Variants in F13A1 observed in about 807,000 individuals in gnomAD.
F13A1 encodes coagulation factor XIII A chain.
In F13A1, 47 loss-of-function variants were observed where a neutral mutation model predicts 80.1. The ratio of observed to expected loss-of-function variants is 0.59; its 90% CI spans 0.46 to 0.75. F13A1 has a LOEUF of 0.75. F13A1 is among the 30% of genes least tolerant of loss of function. The pLI is 0.00. For missense variants in F13A1, 817 were observed against 930.4 expected (o/e 0.88, Z 1.59); for synonymous variants, 349 against 344.9 (o/e 1.01, Z -0.13).
chr6:6,190,817 C>G (rs1441312224), intron 10 of F13A1, among the ~76,000 whole-genome samples: 12 of 150,800 alleles, frequency 8.0e-5, no homozygotes, highest in Admixed American at 7.3e-4. Flanking sequence ...GCGCCCCTCC[C>G]CCAGCCTCGC....
chr6:6,260,204 G>T (rs1008230414), intron 4 of F13A1, among the ~76,000 whole-genome samples: 2 of 152,132 alleles, frequency 1.3e-5, no homozygotes, highest in African/African-American at 4.8e-5. Flanking sequence ...TCACTGATGT[G>T]GCATTGCTAT....
intron 3 of F13A1, among the ~76,000 whole-genome samples, chr6:6,270,618 G>A (rs147940733): frequency 7.6e-4 from 115 of 152,314 alleles, no homozygotes; most frequent in African/African-American, 2.5e-3. Flanking sequence ...TGGTGAGGGC[G>A]TCATGTGTGC....
intron 1 of F13A1, among the ~76,000 whole-genome samples, chr6:6,319,560 C>T (rs1208804771): frequency 6.6e-6 from 1 of 152,168 alleles, no homozygotes; most frequent in East Asian, 1.9e-4. Context: ...ACCAAATGAC[C>T]AAATGAAGGG....
intron 8 of F13A1, among the ~76,000 whole-genome samples, chr6:6,209,145 A>G (rs1761551171): frequency 2.0e-5 from 3 of 152,124 alleles, no homozygotes; most frequent in Middle Eastern, 3.2e-3. Flanking sequence ...CAACAATACA[A>G]AAGTAGGTCA....
Position 6,305,381 on chromosome 6 carries a change from T to G in F13A1, c.289A>C (p.Arg97=). The G allele has an allele frequency of 6.2e-7, 1 of 1,614,212 alleles. No individual in the cohort carries two copies. The highest frequency in any genetic ancestry group is 8.5e-7 in the Non-Finnish European group (1 of 1,180,040). ...IDFSRPYDPR[R]DLFRVEYVIG... is the part of the protein sequence containing the mutation. ...ACGTATTCCACCCTGAAGAGATCCC[T>G]TCTGGGGTCATATGGACGACTGAAG... is the stretch of plus-strand genomic sequence containing the variant. The change falls in exon 3 of 15, where the codon AGG becomes CGG. Residue 97 remains arginine (R), a synonymous_variant. Transcript: ENST00000264870.
At chr6:6,235,257 T>C (rs149672607) in intron 6 of F13A1, among the ~76,000 whole-genome samples, 2 of 152,094 alleles carry the variant, frequency 1.3e-5, no homozygotes, top group African/African-American at 4.8e-5. Flanking sequence ...ATGAAAAGCA[T>C]GATCCATAAA....
At position 6,243,360 on chromosome 6, in the gene F13A1, C is replaced by T. The variant is rs937029746; in HGVS notation, c.798+4952G>A. Reference sequence around the variant, plus strand: ...ACCACCATCATCACTAACTCTATCACCACCACCACCAAACACCACCACCAT... The same window carrying T: ...ACCACCATCATCACTAACTCTATCATCACCACCACCAAACACCACCACCAT... On this transcript the variant is annotated intron_variant, in intron 6 of 14. Transcript: ENST00000264870. This position sits in a 1 kb window ranked among gnomAD's most constrained non-coding sequence, Gnocchi z 4.2. Among the ~76,000 whole-genome samples the T allele has an allele frequency of 7.2e-5, 11 of 151,790 alleles. No homozygotes were observed. The highest frequency in any genetic ancestry group is 1.3e-4 in the Non-Finnish European group (9 of 67,926).
intron 13 of F13A1, among the ~76,000 whole-genome samples, chr6:6,152,865 T>C (rs1472027895): frequency 6.6e-6 from 1 of 152,204 alleles, no homozygotes; most frequent in African/African-American, 2.4e-5. Flanking sequence ...GTATACCAAA[T>C]GAATGGATCT....
intron 3 of F13A1, among the ~76,000 whole-genome samples, chr6:6,280,013 A>T (rs1251605911): frequency 6.6e-6 from 1 of 152,240 alleles, no homozygotes; most frequent in East Asian, 1.9e-4. Flanking sequence ...ATATAAAAGC[A>T]AGTGTTAAAT....
chr6:6,219,043 G>C (rs1757148509), intron 8 of F13A1, among the ~76,000 whole-genome samples: 1 of 152,110 alleles, frequency 6.6e-6, no homozygotes, highest in South Asian at 2.1e-4. Flanking sequence ...AGAAGAAATA[G>C]ATGGTGGAGG....
intron 11 of F13A1, among the ~76,000 whole-genome samples, chr6:6,177,691 G>GCTAGGCA (rs1583057134): frequency 1.3e-5 from 2 of 152,212 alleles, no homozygotes; most frequent in Non-Finnish European, 2.9e-5. Flanking sequence ...CAAACACCGT[G>GCTAGGCA]CTAGGCACTA....
chr6:6,320,476 C>G (rs1758759979), intron 1 of F13A1, 111 bp downstream of exon 1: 1 of 331,468 alleles, frequency 3.0e-6, no homozygotes, highest in African/African-American at 2.2e-5. Flanking sequence ...CTGCCTGTGA[C>G]CGGCGCCACA....
intron 10 of F13A1, among the ~76,000 whole-genome samples, chr6:6,190,945 C>G (rs925867284): frequency 4.6e-5 from 7 of 151,874 alleles, no homozygotes; most frequent in South Asian, 2.1e-4. Context: ...TTTTTAAGCC[C>G]GTCGGAAAAG....
chr6:6,158,981 A>G (rs1415091599), intron 13 of F13A1, among the ~76,000 whole-genome samples: 1 of 148,348 alleles, frequency 6.7e-6, no homozygotes. Context: ...AGCTCACTGC[A>G]AGCTCTGCCT....
intron 13 of F13A1, among the ~76,000 whole-genome samples, chr6:6,153,622 C>T (rs1043468809): frequency 6.6e-6 from 1 of 152,246 alleles, no homozygotes; most frequent in Non-Finnish European, 1.5e-5. Flanking sequence ...GAGGGGCAGA[C>T]GATGGTCATG....
intron 4 of F13A1, 147 bp downstream of exon 4, chr6:6,266,411 A>AT: frequency 8.1e-7 from 1 of 1,227,394 alleles, no homozygotes; most frequent in Non-Finnish European, 1.2e-6. Context: ...TTTAATTTTT[A>AT]TTTTTTAGAG....
At chr6:6,248,226 AT>A in intron 6 of F13A1, 85 bp downstream of exon 6, 2 of 1,066,782 alleles carry the variant, frequency 1.9e-6, no homozygotes, top group Non-Finnish European at 1.4e-6. Flanking sequence ...GTAAGTCATC[AT>A]TTCAGCAGCT....
intron 6 of F13A1, among the ~76,000 whole-genome samples, chr6:6,236,842 C>T (rs1479137581): frequency 1.3e-5 from 2 of 152,060 alleles, no homozygotes; most frequent in Non-Finnish European, 2.9e-5. Context: ...AAAGGCCTAG[C>T]GTTAAGTTTG....
At chr6:6,258,632 C>A (rs1757735145) in intron 4 of F13A1, among the ~76,000 whole-genome samples, 1 of 152,094 alleles carries the variant, frequency 6.6e-6, no homozygotes, top group African/African-American at 2.4e-5. Context: ...CTCTGGGATC[C>A]TTTCTGATTA....
Sources: allele counts gnomAD v4.1 joint callset (sites outside exome capture counted in the v4.1 genomes callset), GRCh38; gene constraint gnomAD v4.1.1; non-coding constraint Gnocchi (gnomAD v3.1); transcripts MANE v1.5; gene names NCBI Gene and HGNC (gene_info 2026-07-23, HGNC 2026-07-21).